The following NCK2 variants were observed in gnomAD, a reference collection of about 807,000 sequenced individuals.
NCK2 encodes NCK adaptor protein 2, also known as cytoplasmic protein NCK2.
Under a neutral mutation model 33.9 loss-of-function variants are expected in NCK2, and 16 were observed. That is an observed-to-expected ratio of 0.47 (90% CI 0.32 to 0.72). The LOEUF (loss-of-function observed/expected upper bound fraction) is 0.72. NCK2 is among the 30% of genes least tolerant of loss of function. The pLI, the probability that NCK2 is intolerant of heterozygous loss-of-function variation, is 0.03. For synonymous variants in NCK2, 273 were observed against 239.9 expected, an observed-to-expected ratio of 1.14 and a Z score of -1.27; for missense variants, 418 against 537.3, an observed-to-expected ratio of 0.78 and a Z score of 2.19.
intron 4 of NCK2, among the ~76,000 whole-genome samples, chr2:105,892,075 C>G (rs1030767926): frequency 6.6e-6 from 1 of 151,730 alleles, no homozygotes; most frequent in East Asian, 1.9e-4. Context: ...GGTGGCACAT[C>G]GGGAGGCTGA....
intron 2 of NCK2, among the ~76,000 whole-genome samples, chr2:105,819,360 C>G (rs545530136): frequency 6.7e-6 from 1 of 149,120 alleles, no homozygotes; most frequent in Admixed American, 6.7e-5. Flanking sequence ...TGGGGTAGAA[C>G]TTTTTAAAAC....
intron 1 of NCK2, among the ~76,000 whole-genome samples, chr2:105,764,817 A>T (rs1439290405): frequency 6.6e-6 from 1 of 152,142 alleles, no homozygotes; most frequent in East Asian, 1.9e-4. Flanking sequence ...ACTTTTGTAT[A>T]ATTTTCTATT....
intron 3 of NCK2, among the ~76,000 whole-genome samples, chr2:105,858,517 A>G (rs946510020): frequency 6.6e-6 from 1 of 152,090 alleles, no homozygotes; most frequent in African/African-American, 2.4e-5. Flanking sequence ...CACATTTGCC[A>G]TTTTTACTGC....
chr2:105,824,577 C>A (rs1042476997), intron 2 of NCK2, among the ~76,000 whole-genome samples: 1 of 152,050 alleles, frequency 6.6e-6, no homozygotes, highest in African/African-American at 2.4e-5. Context: ...CATTTAGTAA[C>A]GTTTTTGTAA....
chr2:105,859,004 G>T (rs1677404421), intron 3 of NCK2, among the ~76,000 whole-genome samples: 1 of 152,182 alleles, frequency 6.6e-6, no homozygotes, highest in African/African-American at 2.4e-5. Flanking sequence ...TGTTTTTGAA[G>T]GGCTCAGACT....
At chr2:105,873,551 C>T (rs972322187) in intron 3 of NCK2, among the ~76,000 whole-genome samples, 98 of 152,286 alleles carry the variant, frequency 6.4e-4, no homozygotes, top group African/African-American at 2.3e-3. Flanking sequence ...TCACTGTGTT[C>T]TTTTCAGCTC....
In NCK2 at chr2:105,889,786, A is replaced by C. The variant is rs72937747; in HGVS notation, c.949-3196A>C. On this transcript the variant is annotated intron_variant, in intron 4 of 4. Transcript: ENST00000233154. ...TTTTATGTAGAGATAGGGTCCCACT[A>C]TGTTGCCCAGGCTGATCTCAAAGTC... 3.3e-3 allele frequency among the ~76,000 whole-genome samples: 503 copies of C among 152,044 alleles called. 2 individuals are homozygous for C. The highest frequency in any genetic ancestry group is 0.012 in the African/African-American group (483 of 41,458).
chr2:105,745,037 GGAGCGGCGCAGACAAA>G lies in NCK2; in HGVS notation c.-292_-277del, dbSNP rs1689222794. On this transcript the variant is annotated 5_prime_UTR_variant, in exon 1 of 5. Transcript: ENST00000233154. ...AGCGTCCGCCCGGCGGCGGGAGGAGGGAGCGGCGCAGACAAAGAGCGGCGCCTGGGCGGGCGCAGCG... is the reference window on the plus strand; with the variant it reads ...AGCGTCCGCCCGGCGGCGGGAGGAGGGAGCGGCGCCTGGGCGGGCGCAGCG... The G allele has an allele frequency of 6.9e-6, 1 of 145,546 alleles. No individual in the cohort carries two copies. The highest frequency in any genetic ancestry group is 2.1e-4 in the South Asian group (1 of 4,806). The allele number at this position is 145,546 out of a possible 1,614,324, so 9.0% of individuals were successfully genotyped here. A position where few individuals can be genotyped will look rare whatever the true frequency, so the allele number is the denominator to read the frequency against.
chr2:105,891,493 C>CT (rs1243519458), intron 4 of NCK2, among the ~76,000 whole-genome samples: 1 of 128,552 alleles, frequency 7.8e-6, no homozygotes, highest in East Asian at 2.3e-4. Context: ...TCAGTATCTT[C>CT]TTTCCTGCAT....
intron 3 of NCK2, among the ~76,000 whole-genome samples, chr2:105,860,129 T>C (rs1198929648): frequency 6.6e-6 from 1 of 151,866 alleles, no homozygotes; most frequent in Non-Finnish European, 1.5e-5. Context: ...TACAAAAAAA[T>C]TTTTTAAAAA....
At chr2:105,823,465 C>T (rs754643851) in intron 2 of NCK2, among the ~76,000 whole-genome samples, 1 of 151,822 alleles carries the variant, frequency 6.6e-6, no homozygotes, top group Admixed American at 6.6e-5. Flanking sequence ...ATCAATTTTC[C>T]GGTTGACTTT....
intron 2 of NCK2, chr2:105,853,987 A>C (rs185318665): frequency 6.6e-6 from 1 of 152,340 alleles, no homozygotes; most frequent in Non-Finnish European, 1.5e-5. Context: ...AGAGTCTTGC[A>C]AAAATTGGGC....
At chr2:105,746,153 T>C (rs912698552) in intron 1 of NCK2, among the ~76,000 whole-genome samples, 8 of 152,228 alleles carry the variant, frequency 5.3e-5, no homozygotes, top group African/African-American at 1.9e-4. Context: ...TCCTCTTTAT[T>C]TGGCTTTGTT....
Position 105,883,127 on chromosome 2 carries a change from G to A in NCK2, c.948+1078G>A, listed in dbSNP as rs935566657. Among the ~76,000 whole-genome samples the A allele has an allele frequency of 5.3e-5, 8 of 152,282 alleles. No individual in the cohort carries two copies. The East Asian group carries it at 9.7e-4, about 18-fold the overall frequency. Reference sequence around the variant, plus strand: ...TTTATGGTGTCATCAATTTTGCGGAGCCTTACATGTGCTTGGACGGGAATG... The same window carrying A: ...TTTATGGTGTCATCAATTTTGCGGAACCTTACATGTGCTTGGACGGGAATG... On this transcript the variant is annotated intron_variant, in intron 4 of 4. Transcript: ENST00000233154.
intron 2 of NCK2, among the ~76,000 whole-genome samples, chr2:105,820,314 C>T (rs1210335631): frequency 3.9e-5 from 6 of 152,160 alleles, no homozygotes; most frequent in African/African-American, 9.7e-5. Context: ...CCATACACTT[C>T]GGCATGTCAG....
intron 4 of NCK2, among the ~76,000 whole-genome samples, chr2:105,883,875 A>G (rs1370664265): frequency 6.6e-6 from 1 of 152,234 alleles, no homozygotes; most frequent in Non-Finnish European, 1.5e-5. Flanking sequence ...AAGTCAAGGA[A>G]CAACATATAT....
chr2:105,875,800 T>C (rs1678213337), intron 3 of NCK2, among the ~76,000 whole-genome samples: 1 of 152,270 alleles, frequency 6.6e-6, no homozygotes, highest in African/African-American at 2.4e-5. Context: ...TATTTTGTTA[T>C]AGGCGCCTGA....
chr2:105,799,333 T>C (rs1271947654), intron 1 of NCK2, among the ~76,000 whole-genome samples: 1 of 152,232 alleles, frequency 6.6e-6, no homozygotes, highest in Non-Finnish European at 1.5e-5. Context: ...TTCTATACTT[T>C]TACTTTTTCA....
intron 4 of NCK2, among the ~76,000 whole-genome samples, chr2:105,884,026 C>T (rs1328691607): frequency 3.9e-5 from 6 of 152,188 alleles, no homozygotes; most frequent in Non-Finnish European, 7.4e-5. Context: ...TGCCGTGACA[C>T]GGGCCATTTT....
Sources: gnomAD v4.1 joint callset for allele counts (sites outside exome capture counted in the v4.1 genomes callset) on GRCh38, gnomAD v4.1.1 for gene constraint, MANE v1.5 for transcripts, NCBI Gene and HGNC (gene_info 2026-07-23, HGNC 2026-07-21) for gene names.